The following KIF3A variants were observed in gnomAD, a reference collection of about 807,000 sequenced individuals.
KIF3A encodes the protein kinesin family member 3A, also known as kinesin-like protein KIF3A.
Under a neutral mutation model 92.6 loss-of-function variants are expected in KIF3A, and 27 were observed. The observed-to-expected ratio is 0.29, with a 90% CI of 0.21 to 0.40. KIF3A has a LOEUF of 0.40. KIF3A is among the 10% of genes least tolerant of loss of function. The pLI is 1.00. For synonymous variants in KIF3A, 250 were observed against 275.4 expected, an observed-to-expected ratio of 0.91 and a Z score of 0.92; for missense variants, 581 against 872.6, an observed-to-expected ratio of 0.67 and a Z score of 4.21.
chr5:132,708,686 T>A (rs1753310652), intron 10 of KIF3A, among the ~76,000 whole-genome samples: 1 of 152,224 alleles, frequency 6.6e-6, no homozygotes, highest in Admixed American at 6.5e-5. Flanking sequence ...GAATCTCTCT[T>A]CCATTGTCTC....
intron 5 of KIF3A, among the ~76,000 whole-genome samples, chr5:132,718,631 T>G (rs1444965497): frequency 6.6e-6 from 1 of 151,512 alleles, no homozygotes; most frequent in African/African-American, 2.4e-5. Context: ...TTGTTGTTGT[T>G]TTGTTTTGTT....
intron 5 of KIF3A, among the ~76,000 whole-genome samples, chr5:132,720,286 A>G (rs1753782399): frequency 6.6e-6 from 1 of 152,254 alleles, no homozygotes; most frequent in Non-Finnish European, 1.5e-5. Flanking sequence ...GAGCATCTTT[A>G]TGAAGCACTT....
rs182158768 is a variant in KIF3A, at chr5:132,730,041, A to T, written c.281-3543T>A. 6.8e-3 allele frequency among the ~76,000 whole-genome samples: 1,029 copies of T among 152,362 alleles called. 5 individuals are homozygous for T. The highest frequency in any genetic ancestry group is 0.011 in the Non-Finnish European group (749 of 68,036). ...GTAAGTTACCAATATCAAAAATGAG[A>T]AAAGTTATACCACTACATTCAACAT... is the stretch of plus-strand genomic sequence containing the variant. On this transcript the variant is annotated intron_variant, in intron 2 of 18. Transcript: ENST00000403231.
At chr5:132,735,824 G>A (rs1036650791) in intron 1 of KIF3A, among the ~76,000 whole-genome samples, 5 of 152,222 alleles carry the variant, frequency 3.3e-5, no homozygotes, top group Admixed American at 6.5e-5. Context: ...AAGGTGGTCT[G>A]TAAGGTCTGG....
chr5:132,720,175 A>C (rs1433837492), intron 5 of KIF3A, among the ~76,000 whole-genome samples: 2 of 152,216 alleles, frequency 1.3e-5, no homozygotes, highest in Non-Finnish European at 2.9e-5. Flanking sequence ...TCTACCACTT[A>C]GTAGTTATAG....
intron 13 of KIF3A, 34 bp from the exon 14 acceptor site, chr5:132,702,702 T>G: frequency 6.8e-7 from 1 of 1,477,680 alleles, no homozygotes; most frequent in Non-Finnish European, 9.4e-7. Flanking sequence ...CAGAATAAAT[T>G]TCTTTGTAAA....
chr5:132,689,452 T>TA (rs1311190318), downstream of KIF3A: 2 of 152,088 alleles, frequency 1.3e-5, no homozygotes, highest in African/African-American at 4.8e-5. Flanking sequence ...CAGAGAAAAA[T>TA]AAGACTATAA....
intron 9 of KIF3A, among the ~76,000 whole-genome samples, chr5:132,710,172 C>T (rs549616494): frequency 6.6e-6 from 1 of 152,170 alleles, no homozygotes; most frequent in East Asian, 1.9e-4. Flanking sequence ...TCCCCCACAA[C>T]AGAGTGAGAA....
chr5:132,696,086 A>T lies in KIF3A; in HGVS notation c.*548T>A, dbSNP rs1752824684. On this transcript the variant is annotated 3_prime_UTR_variant, in exon 19 of 19. Transcript: ENST00000403231. ...ATAACATTTTCTACAAAACATTCAT[A>T]AGATCAGTCATCTCATACTTAAAAT... 6.5e-6 allele frequency: 1 copy of T among 152,798 alleles called. No individual in the cohort carries two copies. The highest frequency in any genetic ancestry group is 2.4e-5 in the African/African-American group (1 of 41,464). The allele number at this position is 152,798 out of a possible 1,614,324, so 9.5% of individuals were successfully genotyped here. A position where few individuals can be genotyped will look rare whatever the true frequency, so the allele number is the denominator to read the frequency against.
In KIF3A at chr5:132,737,460, G is replaced by T. The variant is rs1170053395; in HGVS notation, c.-41C>A. On this transcript the variant is annotated 5_prime_UTR_variant, in exon 1 of 19. Coordinates refer to ENST00000403231, the MANE Select transcript of KIF3A (RefSeq NM_001300791.2). ...TGCCCGGCGGACGTCCCCGCCCGGG[G>T]TGCAGCCCAGCGACACCGGGTGCGC... The T allele has an allele frequency of 6.3e-7, 1 of 1,599,330 alleles. No individual in the cohort carries two copies. The highest frequency in any genetic ancestry group is 8.5e-7 in the Non-Finnish European group (1 of 1,173,740).
chr5:132,727,540 T>C (rs1398290766), intron 2 of KIF3A, among the ~76,000 whole-genome samples: 2 of 151,750 alleles, frequency 1.3e-5, no homozygotes, highest in African/African-American at 2.4e-5. Context: ...AGGACTGAAA[T>C]GAGACCAGAA....
chr5:132,732,124 A>C (rs1031956152), intron 2 of KIF3A, among the ~76,000 whole-genome samples: 1 of 152,222 alleles, frequency 6.6e-6, no homozygotes, highest in African/African-American at 2.4e-5. Context: ...ATATACAAAA[A>C]TCAACTGTGG....
intron 4 of KIF3A, among the ~76,000 whole-genome samples, chr5:132,724,834 T>A (rs1257800651): frequency 0.023 from 673 of 28,678 alleles, 54 homozygotes; most frequent in African/African-American, 0.033. Context: ...TATATATATA[T>A]ATATATATAT....
At chr5:132,737,072 C>A in intron 1 of KIF3A, 1 of 411,370 alleles carries the variant, frequency 2.4e-6, no homozygotes. Context: ...ATCCAAAGAG[C>A]CCCACCGTGG....
At chr5:132,715,035 T>A (rs1442081374) in intron 8 of KIF3A, among the ~76,000 whole-genome samples, 1 of 152,188 alleles carries the variant, frequency 6.6e-6, no homozygotes, top group Non-Finnish European at 1.5e-5. Flanking sequence ...GTCTCTGAAT[T>A]TCACCTCTGA....
At chr5:132,734,100 T>C in intron 2 of KIF3A, 105 bp downstream of exon 2, 1 of 880,944 alleles carries the variant, frequency 1.1e-6, no homozygotes, top group Non-Finnish European at 1.8e-6. Context: ...CACAACTGTA[T>C]ATATTTACTA....
intron 8 of KIF3A, among the ~76,000 whole-genome samples, chr5:132,712,875 C>T (rs570230137): frequency 2.0e-5 from 3 of 152,208 alleles, no homozygotes; most frequent in African/African-American, 4.8e-5. Flanking sequence ...AAAGGCATGA[C>T]ATGGCCGGGC....
Position 132,734,347 on chromosome 5 carries a change from G to A in KIF3A, c.138C>T (p.Ile46=). ...TGGAAGAATCAGTCTTATGTACAGT[G>A]ATAGTTCCCCTCATCTCATCCACAC... ...AVSVDEMRGT[I]TVHKTDSSNE... The change falls in exon 2 of 19, where the codon ATC becomes ATT. Residue 46 remains isoleucine (I), a synonymous_variant. Coordinates refer to ENST00000403231, the MANE Select transcript of KIF3A (RefSeq NM_001300791.2). The A allele has an allele frequency of 6.2e-7, 1 of 1,614,152 alleles. No individual in the cohort carries two copies. Among genetic ancestry groups the A allele is most frequent in the East Asian group, 2.2e-5 (1 of 44,870 alleles).
intron 4 of KIF3A, among the ~76,000 whole-genome samples, chr5:132,724,803 AAAAATATATATATATAT>A (rs1753956756): frequency 3.7e-5 from 1 of 26,682 alleles, no homozygotes; most frequent in African/African-American, 1.4e-4. Context: ...AAAAAAAAAA[AAAAATATATATATATAT>A]ATATATATAT....
Sources: allele counts gnomAD v4.1 joint callset (sites outside exome capture counted in the v4.1 genomes callset), GRCh38; gene constraint gnomAD v4.1.1; transcripts MANE v1.5; gene names NCBI Gene and HGNC (gene_info 2026-07-23, HGNC 2026-07-21).